Variants in AXIN1 observed in about 807,000 individuals in gnomAD.
AXIN1 encodes the protein axin-1.
AXIN1 carries 30 observed loss-of-function variants against 76.4 expected under a neutral mutation model. The observed-to-expected ratio is 0.39, with a 90% CI of 0.29 to 0.53. The LOEUF (loss-of-function observed/expected upper bound fraction) is 0.53, where lower values mean the gene tolerates loss of function less well. Among genes scored for constraint, AXIN1 ranks in the 20% least tolerant of loss-of-function variants. AXIN1 has a pLI of 0.66. For missense variants in AXIN1, 1,140 were observed against 1,198.8 expected (o/e 0.95, Z 0.72); for synonymous variants, 545 against 501.4 (o/e 1.09, Z -1.16).
rs372558302 is a variant in AXIN1 at position 346,889 on chromosome 16, G to C, written c.137C>G (p.Ser46Cys). 1 of 1,613,794 alleles carries C rather than the reference G, an allele frequency of 6.2e-7. No homozygotes were observed. The highest frequency in any genetic ancestry group is 8.5e-7 in the Non-Finnish European group (1 of 1,179,654). The change falls in exon 2 of 11, where the codon TCC becomes TGC. Residue 46 changes from serine (S) to cysteine (C), a missense_variant. Physicochemically the swap from Ser to Cys is moderately radical, Grantham distance 112. This residue lies in a region of AXIN1 where 708 missense variants were observed against 776.9 expected (regional missense o/e 0.91). Transcript: ENST00000262320. ...DPRPASYSFCSGKGVGIKGET... is the reference protein window; with the variant it reads ...DPRPASYSFCCGKGVGIKGET... Reference sequence around the variant, plus strand: ...ACCTTTAATGCCAACACCTTTCCCGGAGCAGAAACTGTAGCTGGCGGGCCT... The same window carrying C: ...ACCTTTAATGCCAACACCTTTCCCGCAGCAGAAACTGTAGCTGGCGGGCCT...
intron 6 of AXIN1, among the ~76,000 whole-genome samples, chr16:297,514 C>T (rs1225325863): frequency 1.3e-5 from 2 of 152,220 alleles, no homozygotes; most frequent in Non-Finnish European, 2.9e-5. Context: ...GAGCCAGGGT[C>T]GGGCTGTGTC....
rs150727383 is a variant in AXIN1 at position 310,849 on chromosome 16, C to G, written c.1020-780G>C. 1.8e-3 allele frequency among the ~76,000 whole-genome samples: 279 copies of G among 152,348 alleles called. 2 individuals carry two copies. Among genetic ancestry groups the G allele is most frequent in the African/African-American group, 6.2e-3 (256 of 41,582 alleles). On this transcript the variant is annotated intron_variant, in intron 3 of 10. Transcript: ENST00000262320. ...CTAGACCACTGTGCAGTGTGCCTGC[C>G]TTGGAGGGCATTGCTAAATGGACCA...
intron 2 of AXIN1, among the ~76,000 whole-genome samples, chr16:331,768 G>C (rs988367201): frequency 3.3e-5 from 5 of 152,184 alleles, no homozygotes; most frequent in African/African-American, 1.2e-4. Flanking sequence ...AAATTCCAAA[G>C]CTAATGGAAT....
chr16:289,111 C>CA (rs2052477889), intron 10 of AXIN1, among the ~76,000 whole-genome samples: 1 of 150,168 alleles, frequency 6.7e-6, no homozygotes, highest in South Asian at 2.1e-4. Flanking sequence ...GGGGTAGAGA[C>CA]AGAGTCTCGC....
At chr16:296,941 G>A (rs2052726146) in intron 7 of AXIN1, 115 bp downstream of exon 7, 10 of 1,293,330 alleles carry the variant, frequency 7.7e-6, no homozygotes, top group Non-Finnish European at 1.1e-5. Context: ...GGGGAAGTGT[G>A]AGGCGTCACA....
At chr16:325,876 A>G (rs377253901) in intron 2 of AXIN1, among the ~76,000 whole-genome samples, 1 of 152,178 alleles carries the variant, frequency 6.6e-6, no homozygotes, top group African/African-American at 2.4e-5. Context: ...ATGAACTTCC[A>G]TATGAATGTG....
chr16:296,587 C>A (rs571560312), intron 7 of AXIN1, among the ~76,000 whole-genome samples: 4 of 152,224 alleles, frequency 2.6e-5, no homozygotes, highest in Non-Finnish European at 5.9e-5. Flanking sequence ...CACACGAGGC[C>A]TCTGCCCTTC....
intron 2 of AXIN1, 111 bp from the exon 3 acceptor site, chr16:314,794 CA>C: frequency 6.7e-7 from 1 of 1,483,030 alleles, no homozygotes; most frequent in Non-Finnish European, 9.1e-7. Flanking sequence ...AAAACACAAG[CA>C]ATTTGGAGAA....
chr16:339,862 C>A (rs964787035), intron 2 of AXIN1, among the ~76,000 whole-genome samples: 1 of 152,056 alleles, frequency 6.6e-6, no homozygotes, highest in Non-Finnish European at 1.5e-5. Context: ...CTGGGGGCGA[C>A]CCCACCCTGG....
chr16:295,794 C>A (rs1294000551), intron 7 of AXIN1, among the ~76,000 whole-genome samples: 1 of 151,612 alleles, frequency 6.6e-6, no homozygotes, highest in Non-Finnish European at 1.5e-5. Flanking sequence ...CCCCCTGCCC[C>A]GGTCTCTACT....
chr16:315,211 G>C (rs1230744139), intron 2 of AXIN1, among the ~76,000 whole-genome samples: 3 of 152,208 alleles, frequency 2.0e-5, no homozygotes, highest in African/African-American at 7.2e-5. Flanking sequence ...TTCCTCCCCA[G>C]CTCCTGGGAC....
chr16:334,955 T>C (rs888576272), intron 2 of AXIN1, among the ~76,000 whole-genome samples: 1 of 152,122 alleles, frequency 6.6e-6, no homozygotes, highest in Non-Finnish European at 1.5e-5. Context: ...TTTTATGAGA[T>C]ATTTAATTTT....
rs533572190 is a variant in AXIN1, at chr16:320,826, G to A, written c.879-6143C>T. ...GCGATCTCGGCTCACTACAACCTCC[G>A]CCTCCTGGGTTCAATCGATTCTCCT... is the stretch of plus-strand genomic sequence containing the variant. On this transcript the variant is annotated intron_variant, in intron 2 of 10. Coordinates refer to ENST00000262320, the MANE Select transcript of AXIN1 (RefSeq NM_003502.4). 1.2e-4 allele frequency among the ~76,000 whole-genome samples: 17 copies of A among 145,576 alleles called. No individual in the cohort carries two copies. The South Asian group carries it at 3.5e-3, about 30-fold the overall frequency.
chr16:343,073 G>T (rs961222142), intron 2 of AXIN1, among the ~76,000 whole-genome samples: 1 of 152,090 alleles, frequency 6.6e-6, no homozygotes, highest in Non-Finnish European at 1.5e-5. Flanking sequence ...TGCACCACAG[G>T]CCACCTCCCA....
intron 6 of AXIN1, 124 bp downstream of exon 6, chr16:297,598 C>A (rs2052749038): frequency 7.4e-7 from 1 of 1,351,582 alleles, no homozygotes; most frequent in African/African-American, 1.5e-5. Flanking sequence ...CTCCCTCCAG[C>A]AGAGGGGCCT....
intron 2 of AXIN1, among the ~76,000 whole-genome samples, chr16:320,743 A>ATATATTTTTTTTTTTTT (rs397722732): frequency 9.3e-6 from 1 of 107,664 alleles, no homozygotes; most frequent in African/African-American, 4.6e-5. Context: ...ATATATATAT[A>ATATATTTTTTTTTTTTT]TTTTTTTTTT....
intron 2 of AXIN1, among the ~76,000 whole-genome samples, chr16:320,745 T>TATA (rs1567287154): frequency 3.0e-5 from 3 of 100,214 alleles, no homozygotes; most frequent in Non-Finnish European, 5.9e-5. Flanking sequence ...ATATATATAT[T>TATA]TTTTTTTTTT....
At chr16:346,042 G>T in intron 2 of AXIN1, 106 bp downstream of exon 2, 2 of 1,106,352 alleles carry the variant, frequency 1.8e-6, no homozygotes, top group Non-Finnish European at 1.3e-6. Flanking sequence ...AGCGGCAGCA[G>T]GACATCCGGT....
rs752688778 is a variant in AXIN1 at position 298,180 on chromosome 16, G to A, written c.1326C>T (p.Pro442=). The change falls in exon 6 of 11, where the codon CCC becomes CCT. Residue 442 remains proline (P), a synonymous_variant. Transcript: ENST00000262320. ...PGPCHKLPPA[P]AWHHFPPRCV... ...AGCGGGGCGGGAAGTGGTGCCAAGC[G>A]GGGGCGGGAGGCAGCTTGTGACACG... 4.5e-5 allele frequency: 69 copies of A among 1,542,156 alleles called. No individual in the cohort carries two copies. The African/African-American group carries it at 6.4e-4, about 14-fold the overall frequency.
Sources: gnomAD v4.1 joint callset for allele counts (sites outside exome capture counted in the v4.1 genomes callset) on GRCh38, gnomAD v4.1.1 for gene constraint, gnomAD v4.1.1 regional missense constraint, MANE v1.5 for transcripts, NCBI Gene and HGNC (gene_info 2026-07-23, HGNC 2026-07-21) for gene names.